FGD4: variants seen among roughly 807,000 people sequenced by gnomAD.
The protein encoded by FGD4 is FYVE, RhoGEF and PH domain-containing protein 4.
A neutral mutation model predicts 102.0 loss-of-function variants in FGD4; 42 were observed. The ratio of observed to expected loss-of-function variants is 0.41; its 90% CI spans 0.32 to 0.53. FGD4 has a LOEUF of 0.53. FGD4 is among the 20% of genes least tolerant of loss of function. FGD4 has a pLI of 0.21. For synonymous variants in FGD4, 380 were observed against 375.7 expected (o/e 1.01, Z -0.13); for missense variants, 902 against 1,078.2 (o/e 0.84, Z 2.29).
intron 1 of FGD4, among the ~76,000 whole-genome samples, chr12:32,508,059 A>G (rs1263273928): frequency 6.6e-6 from 1 of 152,166 alleles, no homozygotes; most frequent in Non-Finnish European, 1.5e-5. Context: ...CTCAGCTAAG[A>G]GTATCATTTG....
In FGD4 at chr12:32,576,373, CCTGCCT is replaced by C. The variant is rs770282468; in HGVS notation, c.432_437del (p.Ala146_Ser147del). On this transcript the variant is annotated inframe_deletion, in exon 3 of 17. Coordinates refer to ENST00000534526, the MANE Select transcript of FGD4 (RefSeq NM_001370298.3). ...AAAACCAAGGATGGAGGAAATTAAA[CCTGCCT>C]CTGCTTCTTGTGTCTCAAAAGAAAA... 1.2e-6 allele frequency: 2 copies of C among 1,614,124 alleles called. No individual in the cohort carries two copies. Among genetic ancestry groups the C allele is most frequent in the South Asian group, 2.2e-5 (2 of 91,080 alleles).
intron 1 of FGD4, among the ~76,000 whole-genome samples, chr12:32,556,231 A>C (rs1045588084): frequency 7.2e-5 from 11 of 152,176 alleles, no homozygotes; most frequent in Non-Finnish European, 1.5e-5. Context: ...TCCTTGGTTA[A>C]ACAAGGGGTA....
At position 32,602,270 on chromosome 12, in the gene FGD4, A is replaced by C; in HGVS notation, c.1357A>C (p.Met453Leu). ...FDNAMELVKN[M>L]TERIPQFKSV... ...TAATGCAATGGAATTGGTTAAAAAC[A>C]TGACAGAACGTATTCCCCAGTTCAA... The change falls in exon 7 of 17, where the codon ATG becomes CTG. Residue 453 changes from methionine to leucine, a missense_variant. This residue lies in a region of FGD4 where 459 missense variants were observed against 619.0 expected (regional missense o/e 0.74). Coordinates refer to ENST00000534526, the MANE Select transcript of FGD4 (RefSeq NM_001370298.3). 6.2e-7 allele frequency: 1 copy of C among 1,614,190 alleles called. No individual in the cohort carries two copies. Among genetic ancestry groups the C allele is most frequent in the Non-Finnish European group, 8.5e-7 (1 of 1,180,020 alleles).
intron 1 of FGD4, among the ~76,000 whole-genome samples, chr12:32,403,389 T>C (rs1940771588): frequency 6.6e-6 from 1 of 152,118 alleles, no homozygotes; most frequent in African/African-American, 2.4e-5. Flanking sequence ...TAGCTAGCTG[T>C]GTGAATTGGA....
chr12:32,451,287 G>A (rs1221598273), intron 1 of FGD4, among the ~76,000 whole-genome samples: 2 of 152,072 alleles, frequency 1.3e-5, no homozygotes, highest in African/African-American at 2.4e-5. Flanking sequence ...TAGACAGCTC[G>A]TGATATGTTA....
chr12:32,432,519 G>T (rs922865951), intron 1 of FGD4, among the ~76,000 whole-genome samples: 13 of 151,226 alleles, frequency 8.6e-5, no homozygotes, highest in African/African-American at 2.9e-4. Flanking sequence ...AGGAGGCTGA[G>T]ATTGAACCCA....
At chr12:32,593,244 G>A (rs563494598) in intron 4 of FGD4, among the ~76,000 whole-genome samples, 4 of 152,276 alleles carry the variant, frequency 2.6e-5, no homozygotes, top group African/African-American at 9.6e-5. Flanking sequence ...AATAATCAGT[G>A]AATAAGTGTT....
chr12:32,476,384 G>A (rs1370703647), intron 1 of FGD4, among the ~76,000 whole-genome samples: 1 of 152,186 alleles, frequency 6.6e-6, no homozygotes, highest in Non-Finnish European at 1.5e-5. Flanking sequence ...GGTAGGAATG[G>A]CACATCTCTG....
At chr12:32,571,002 C>T (rs1325058581) in intron 2 of FGD4, among the ~76,000 whole-genome samples, 1 of 152,168 alleles carries the variant, frequency 6.6e-6, no homozygotes, top group Non-Finnish European at 1.5e-5. Flanking sequence ...TAATCTTGTG[C>T]AAGTACAAAG....
intron 1 of FGD4, among the ~76,000 whole-genome samples, chr12:32,460,399 C>T (rs1943070889): frequency 6.6e-6 from 1 of 151,472 alleles, no homozygotes; most frequent in Non-Finnish European, 1.5e-5. Context: ...CCCGTAGCAC[C>T]AGCTACTTGG....
chr12:32,561,688 A>C (rs180715180), intron 1 of FGD4, among the ~76,000 whole-genome samples: 1 of 152,326 alleles, frequency 6.6e-6, no homozygotes, highest in East Asian at 1.9e-4. Context: ...TCACCATGTC[A>C]ACCAGAAGAG....
chr12:32,429,254 TG>T (rs1941961002), intron 1 of FGD4, among the ~76,000 whole-genome samples: 1 of 152,260 alleles, frequency 6.6e-6, no homozygotes, highest in South Asian at 2.1e-4. Flanking sequence ...CATTTCTGTT[TG>T]TTAGTTTTCC....
At chr12:32,529,446 C>G (rs1941580344) in intron 1 of FGD4, among the ~76,000 whole-genome samples, 1 of 152,078 alleles carries the variant, frequency 6.6e-6, no homozygotes, top group Non-Finnish European at 1.5e-5. Context: ...TGTTTTCCTA[C>G]TCCATTTTCT....
In FGD4 at chr12:32,403,601, C is replaced by CT. The variant is rs113831633; in HGVS notation, c.166+3656dup. ...CCTGAGCAACGCAGCAAAACTCCAT[C>CT]TTTTTTTTTTTTTTGAGACTGAGTC... On this transcript the variant is annotated intron_variant, in intron 1 of 16. Transcript: ENST00000534526. Among the ~76,000 whole-genome samples the CT allele has an allele frequency of 1.9e-3, 271 of 143,588 alleles. 1 individual carries two copies. The highest frequency in any genetic ancestry group is 4.3e-3 in the African/African-American group (167 of 38,628). The allele number at this position is 143,588 out of a possible 152,430, so 94.2% of individuals were successfully genotyped here.
Position 32,399,973 on chromosome 12 carries a change from G to T in FGD4, c.166+14G>T. ...CAGGAGCCACAGGTAAGCGCCTCGG[G>T]GCGCGGGGGAAGGGTGGCCCCGGCG... is the stretch of plus-strand genomic sequence containing the variant. On this transcript the variant is annotated intron_variant, in intron 1 of 16. Coordinates refer to ENST00000534526, the MANE Select transcript of FGD4 (RefSeq NM_001370298.3). The T allele has an allele frequency of 2.1e-6, 3 of 1,449,054 alleles. No individual in the cohort carries two copies. The highest frequency in any genetic ancestry group is 1.5e-5 in the African/African-American group (1 of 67,434). 89.8% of individuals were successfully genotyped at this position (1,449,054 alleles called of 1,614,324 possible). A position where few individuals can be genotyped will look rare whatever the true frequency, so the allele number is the denominator to read the frequency against.
Position 32,403,891 on chromosome 12 carries a change from G to A in FGD4, c.166+3932G>A, listed in dbSNP as rs565463845. On this transcript the variant is annotated intron_variant, in intron 1 of 16. Transcript: ENST00000534526. ...ATTACAGGTGTGAGCCATCGTGCCC[G>A]GCCCAATGCTCCCTTTTATGGAACC... Among the ~76,000 whole-genome samples the A allele has an allele frequency of 3.6e-4, 54 of 152,064 alleles. 1 individual carries two copies. Among genetic ancestry groups the A allele is most frequent in the Middle Eastern group, 3.4e-3 (1 of 292 alleles).
intron 3 of FGD4, among the ~76,000 whole-genome samples, chr12:32,576,687 TTGTGTGCTTTGGTATC>T (rs1946153461): frequency 6.6e-6 from 1 of 152,212 alleles, no homozygotes; most frequent in Admixed American, 6.5e-5. Flanking sequence ...TTTCATGAAA[TTGTGTGCTTTGGTATC>T]TGTGTGCTTT....
rs990128702 is a variant in FGD4 at position 32,643,116 on chromosome 12, T to G, written c.*2583T>G. The G allele has an allele frequency of 1.3e-5, 2 of 152,558 alleles. No individual in the cohort carries two copies. Among genetic ancestry groups the G allele is most frequent in the Non-Finnish European group, 2.9e-5 (2 of 67,962 alleles). 9.5% of individuals were successfully genotyped at this position (152,558 alleles called of 1,614,324 possible). On this transcript the variant is annotated 3_prime_UTR_variant, in exon 17 of 17. Coordinates refer to ENST00000534526, the MANE Select transcript of FGD4 (RefSeq NM_001370298.3). ...AGTACTTCCTTGACAAAATTTCTAT[T>G]CATTATAAAACATTTCAATATTTTA...
chr12:32,454,200 T>C (rs1177186628), intron 1 of FGD4, among the ~76,000 whole-genome samples: 1 of 152,226 alleles, frequency 6.6e-6, no homozygotes, highest in East Asian at 1.9e-4. Context: ...CAGAGCAATG[T>C]TCTTTTCTCT....
Sources: gnomAD v4.1 joint callset for allele counts (sites outside exome capture counted in the v4.1 genomes callset) on GRCh38, gnomAD v4.1.1 for gene constraint, gnomAD v4.1.1 regional missense constraint, MANE v1.5 for transcripts, NCBI Gene and HGNC (gene_info 2026-07-23, HGNC 2026-07-21) for gene names.